Variants in FAM91A1 observed in about 807,000 individuals in gnomAD.
FAM91A1 encodes the protein family with sequence similarity 91 member A1.
In FAM91A1, 41 loss-of-function variants were observed where a neutral mutation model predicts 113.5. That is an observed-to-expected ratio of 0.36 (90% confidence interval 0.28 to 0.47). The LOEUF is 0.47. Ranked by LOEUF, FAM91A1 falls within the 20% of genes least tolerant of loss-of-function variation. FAM91A1 has a pLI of 1.00. For missense variants in FAM91A1, 696 were observed against 1,001.2 expected, an observed-to-expected ratio of 0.70 and a Z score of 4.11; for synonymous variants, 307 against 347.9, an observed-to-expected ratio of 0.88 and a Z score of 1.31.
chr8:123,775,049 T>C (rs1814947666), intron 2 of FAM91A1, 98 bp from the exon 3 acceptor site: 10 of 1,165,346 alleles, frequency 8.6e-6, no homozygotes, highest in Admixed American at 6.2e-5. Context: ...ATTTACATAC[T>C]TTTCTTTTAA....
chr8:123,813,633 T>TA lies in FAM91A1; in HGVS notation c.*930dup, dbSNP rs1816008997. 1 of 152,278 alleles carries TA rather than the reference T, an allele frequency of 6.6e-6. No homozygotes were observed. Among genetic ancestry groups the TA allele is most frequent in the Admixed American group, 6.5e-5 (1 of 15,286 alleles). The allele number at this position is 152,278 out of a possible 1,614,324, so 9.4% of individuals were successfully genotyped here. A position where few individuals can be genotyped will look rare whatever the true frequency, so the allele number is the denominator to read the frequency against. Reference sequence around the variant, plus strand: ...TAGTGATAAACCTACTTTGAAGACATACTCTTAAGCAATCTGGATCTTAAA... The same window carrying TA: ...TAGTGATAAACCTACTTTGAAGACATAACTCTTAAGCAATCTGGATCTTAAA... On this transcript the variant is annotated 3_prime_UTR_variant, in exon 24 of 24. Transcript: ENST00000334705.
In FAM91A1 at chr8:123,812,649, A is replaced by C; in HGVS notation, c.2462A>C (p.Glu821Ala). Residue 821 changes from glutamate (E) to alanine (A), a missense_variant, in exon 24 of 24, where the codon GAA (glutamate) becomes GCA (alanine). Physicochemically the swap from Glu to Ala is moderately radical, Grantham distance 107 (BLOSUM62 -1). Transcript: ENST00000334705. Reference protein sequence around the residue: ...NLIFKDGVLSEWSGRSPSSLL... With the variant: ...NLIFKDGVLSAWSGRSPSSLL... ...ATATTTAAAGATGGTGTCTTATCAG[A>C]ATGGAGTGGACGGTCACCTTCCTCA... is the stretch of plus-strand genomic sequence containing the variant. 1 of 1,610,530 alleles carries C rather than the reference A, an allele frequency of 6.2e-7. No homozygotes were observed. The highest frequency in any genetic ancestry group is 8.5e-7 in the Non-Finnish European group (1 of 1,178,584).
chr8:123,789,855 A>G, intron 15 of FAM91A1, 110 bp downstream of exon 15: 1 of 1,281,092 alleles, frequency 7.8e-7, no homozygotes, highest in Non-Finnish European at 1.1e-6. Context: ...TTTTGTGTAG[A>G]TAGCATATTG....
chr8:123,786,721 A>G (rs1815267767), intron 12 of FAM91A1, 111 bp downstream of exon 12: 3 of 823,886 alleles, frequency 3.6e-6, no homozygotes, highest in Non-Finnish European at 6.1e-6. Context: ...TTCAATACGC[A>G]GTCTTTGAGT....
At chr8:123,783,001 C>G (rs896734930) in intron 8 of FAM91A1, among the ~76,000 whole-genome samples, 2 of 152,062 alleles carry the variant, frequency 1.3e-5, no homozygotes, top group East Asian at 3.9e-4. Context: ...GGGACCCCTT[C>G]TCTACAAAAA....
intron 1 of FAM91A1, among the ~76,000 whole-genome samples, chr8:123,770,725 G>A (rs1814818471): frequency 6.6e-6 from 1 of 152,160 alleles, no homozygotes; most frequent in Admixed American, 6.5e-5. Context: ...TTTCTAAAAC[G>A]TAGTCATGAC....
chr8:123,790,835 G>A (rs1815366591), intron 15 of FAM91A1, among the ~76,000 whole-genome samples: 1 of 152,170 alleles, frequency 6.6e-6, no homozygotes, highest in South Asian at 2.1e-4. Context: ...TGGGGCTTTT[G>A]AGATCATTCA....
rs143789608 is a variant in FAM91A1, at chr8:123,794,364, A to G, written c.1412-3726A>G. 1.9e-3 allele frequency among the ~76,000 whole-genome samples: 284 copies of G among 152,352 alleles called. 1 individual carries two copies. The highest frequency in any genetic ancestry group is 6.6e-3 in the African/African-American group (275 of 41,588). ...TTTATCATTTATTATCATAAAATAT[A>G]TACAGATCCATTATAAAACATTCAA... On this transcript the variant is annotated intron_variant, in intron 15 of 23. Transcript: ENST00000334705.
At chr8:123,785,572 T>A (rs1482329621) in intron 10 of FAM91A1, 57 bp from the exon 11 acceptor site, 1 of 1,159,100 alleles carries the variant, frequency 8.6e-7, no homozygotes, top group African/African-American at 1.6e-5. Flanking sequence ...TCTCTACAAA[T>A]ATTGTGATGT....
intron 7 of FAM91A1, 110 bp from the exon 8 acceptor site, chr8:123,780,370 A>G: frequency 2.3e-6 from 2 of 863,704 alleles, no homozygotes; most frequent in South Asian, 3.3e-5. Context: ...TTCTTTCGTC[A>G]CATAGCATTC....
chr8:123,805,243 C>T, intron 18 of FAM91A1, 24 bp from the exon 19 acceptor site: 2 of 1,584,062 alleles, frequency 1.3e-6, no homozygotes, highest in Non-Finnish European at 8.6e-7. Context: ...TCTTGTATAC[C>T]TTTTAACTTT....
At chr8:123,799,468 C>A in intron 16 of FAM91A1, 52 bp from the exon 17 acceptor site, 1 of 1,540,116 alleles carries the variant, frequency 6.5e-7, no homozygotes, top group Non-Finnish European at 8.8e-7. Flanking sequence ...TGTTCTCGGT[C>A]ACTTATGTAA....
intron 15 of FAM91A1, among the ~76,000 whole-genome samples, chr8:123,792,939 T>C (rs897392595): frequency 2.0e-5 from 3 of 152,216 alleles, no homozygotes; most frequent in African/African-American, 7.2e-5. Flanking sequence ...TTCTGAATTA[T>C]CAATCAGAAC....
chr8:123,797,964 AAT>A, intron 15 of FAM91A1, 124 bp from the exon 16 acceptor site: 1 of 1,115,474 alleles, frequency 9.0e-7, no homozygotes, highest in South Asian at 1.6e-5. Context: ...GGTACTTCTT[AAT>A]AGAGTTACTT....
At chr8:123,796,689 C>G (rs1441460330) in intron 15 of FAM91A1, among the ~76,000 whole-genome samples, 3 of 150,350 alleles carry the variant, frequency 2.0e-5, no homozygotes, top group Non-Finnish European at 4.4e-5. Context: ...GATCTCCTGA[C>G]CTCGTGGTCT....
At chr8:123,790,143 T>A (rs1196300568) in intron 15 of FAM91A1, among the ~76,000 whole-genome samples, 2 of 152,242 alleles carry the variant, frequency 1.3e-5, no homozygotes, top group Non-Finnish European at 2.9e-5. Context: ...AGGAGCCTTC[T>A]GTTCAAATGC....
intron 22 of FAM91A1, 64 bp downstream of exon 22, chr8:123,809,080 C>T: frequency 6.3e-7 from 1 of 1,578,610 alleles, no homozygotes; most frequent in African/African-American, 1.3e-5. Context: ...AAATAGTTAC[C>T]ATATCTTACT....
chr8:123,786,810 TTAAGTC>T (rs562812772), intron 12 of FAM91A1, among the ~76,000 whole-genome samples, 200 bp downstream of exon 12: 70 of 152,310 alleles, frequency 4.6e-4, no homozygotes, highest in Non-Finnish European at 7.1e-4. Flanking sequence ...CTTCTAAGAA[TTAAGTC>T]TAAGGAGAGA....
intron 1 of FAM91A1, among the ~76,000 whole-genome samples, chr8:123,770,023 G>C (rs182904116): frequency 7.9e-5 from 12 of 152,056 alleles, no homozygotes; most frequent in African/African-American, 2.9e-4. Flanking sequence ...TGTGATCTCC[G>C]CTCACTGCAA....
Sources: allele counts gnomAD v4.1 joint callset (sites outside exome capture counted in the v4.1 genomes callset), GRCh38; gene constraint gnomAD v4.1.1; transcripts MANE v1.5; gene names NCBI Gene and HGNC (gene_info 2026-07-23, HGNC 2026-07-21).